The following PYGB variants were observed in gnomAD, a reference collection of about 807,000 sequenced individuals.
The protein encoded by PYGB is glycogen phosphorylase, brain form.
In PYGB, 82 loss-of-function variants were observed where a neutral mutation model predicts 94.3. That is an observed-to-expected ratio of 0.87 (90% confidence interval 0.73 to 1.04). PYGB has a LOEUF of 1.04. PYGB is among the 50% of genes least tolerant of loss of function. The pLI, the probability that PYGB is intolerant of heterozygous loss-of-function variation, is 0.00. For synonymous variants in PYGB, 488 were observed against 479.1 expected (o/e 1.02, Z -0.24); for missense variants, 1,132 against 1,158.2 (o/e 0.98, Z 0.33).
At chr20:25,293,600 C>G (rs2088494922) in intron 17 of PYGB, among the ~76,000 whole-genome samples, 1 of 152,236 alleles carries the variant, frequency 6.6e-6, no homozygotes, top group East Asian at 1.9e-4. Context: ...GGCCCGAGCA[C>G]AGAGGCCTGT....
At chr20:25,252,018 G>A (rs191625168) in intron 1 of PYGB, among the ~76,000 whole-genome samples, 1 of 152,314 alleles carries the variant, frequency 6.6e-6, no homozygotes, top group Admixed American at 6.5e-5. Flanking sequence ...TTAGTCAGTT[G>A]TGGTACCAGC....
rs200982201 is a variant in PYGB at position 25,248,358 on chromosome 20, G to T, written c.180G>T (p.Val60=). 21 of 1,598,652 alleles carry T rather than the reference G, an allele frequency of 1.3e-5. No individual in the cohort carries two copies. The African/African-American group carries it at 1.9e-4, about 14-fold the overall frequency. Residue 60 remains valine (V), a synonymous_variant, in exon 1 of 20, where the codon GTG becomes GTT. Coordinates refer to ENST00000216962, the MANE Select transcript of PYGB (RefSeq NM_002862.4). ...RDYFFALAHT[V]RDHLVGRWIR... ...ACTTCTTCGCGCTGGCGCACACGGT[G>T]CGCGACCACCTCGTGGGCCGCTGGA... is the stretch of plus-strand genomic sequence containing the variant.
At chr20:25,256,704 T>C (rs1398380257) in intron 1 of PYGB, among the ~76,000 whole-genome samples, 1 of 152,090 alleles carries the variant, frequency 6.6e-6, no homozygotes, top group Admixed American at 6.6e-5. Context: ...GTGAGTCCAG[T>C]TCTCCAACCA....
intron 13 of PYGB, among the ~76,000 whole-genome samples, chr20:25,283,788 T>G (rs912923509): frequency 6.6e-6 from 1 of 152,180 alleles, no homozygotes; most frequent in Admixed American, 6.5e-5. Flanking sequence ...TGTAGTCCTT[T>G]CAGCCGTCCC....
intron 14 of PYGB, among the ~76,000 whole-genome samples, chr20:25,287,577 G>T (rs1373946454): frequency 6.6e-6 from 1 of 152,218 alleles, no homozygotes; most frequent in African/African-American, 2.4e-5. Context: ...TTGAGTCCAG[G>T]AGTCTGTGGC....
intron 14 of PYGB, among the ~76,000 whole-genome samples, chr20:25,286,911 G>T (rs1454448474): frequency 3.3e-5 from 5 of 152,220 alleles, no homozygotes; most frequent in African/African-American, 1.2e-4. Context: ...ATCATCACTT[G>T]TGTGTTTCGT....
At chr20:25,281,925 A>T (rs1371836373) in intron 11 of PYGB, 108 bp from the exon 12 acceptor site, 10 of 941,138 alleles carry the variant, frequency 1.1e-5, no homozygotes, top group African/African-American at 1.6e-5. Context: ...GAACAGAACC[A>T]CTGAGCTTGA....
intron 1 of PYGB, among the ~76,000 whole-genome samples, chr20:25,254,350 A>T (rs897464117): frequency 1.3e-5 from 2 of 151,686 alleles, no homozygotes; most frequent in Admixed American, 6.6e-5. Context: ...TATATCTTTT[A>T]TTATTATTAT....
rs1056986028 is a variant in PYGB, at chr20:25,294,353, C to T, written c.2312+61C>T. ...GAGGGAGGGAGGGAGGGGTCCTCTT[C>T]GTGGGTTGGATATTCCACCTTGTTT... On this transcript the variant is annotated intron_variant, in intron 18 of 19. Coordinates refer to ENST00000216962, the MANE Select transcript of PYGB (RefSeq NM_002862.4). 6.7e-5 allele frequency: 101 copies of T among 1,503,820 alleles called. No individual in the cohort carries two copies. In the Admixed American group the frequency reaches 1.6e-3, roughly 23 times the overall value. 93.2% of individuals were successfully genotyped at this position (1,503,820 alleles called of 1,614,324 possible).
In PYGB at chr20:25,295,497, A is replaced by T. The variant is rs976808287; in HGVS notation, c.2313-107A>T. On this transcript the variant is annotated intron_variant, in intron 18 of 19. Transcript: ENST00000216962. ...GTGGGTGGGCCCCTTCGCTCCAGAC[A>T]GGACCAGGTGGATGGTGCCTGGCCT... 1.6e-4 allele frequency: 210 copies of T among 1,324,548 alleles called. 2 individuals carry two copies. The South Asian group carries it at 2.0e-3, about 13-fold the overall frequency. The allele number at this position is 1,324,548 out of a possible 1,614,324, so 82.0% of individuals were successfully genotyped here. A position where few individuals can be genotyped will look rare whatever the true frequency, so the allele number is the denominator to read the frequency against.
At chr20:25,283,586 G>A (rs1467914504) in intron 13 of PYGB, among the ~76,000 whole-genome samples, 1 of 152,246 alleles carries the variant, frequency 6.6e-6, no homozygotes, top group Non-Finnish European at 1.5e-5. Flanking sequence ...GAAGCCTCTA[G>A]AAGCCGATTC....
chr20:25,276,616 T>A (rs765148368), intron 5 of PYGB, 30 bp from the exon 6 acceptor site: 3 of 1,595,726 alleles, frequency 1.9e-6, no homozygotes, highest in Non-Finnish European at 2.6e-6. Context: ...CCCTTGCCAC[T>A]CCGTCCTGAG....
rs2088395496 is a variant in PYGB at position 25,284,136 on chromosome 20, G to GA, written c.1655dup (p.Glu553GlyfsTer82). On this transcript the variant is annotated frameshift_variant, in exon 14 of 20. Coordinates refer to ENST00000216962, the MANE Select transcript of PYGB (RefSeq NM_002862.4). LOFTEE classifies it high-confidence loss of function. ...AGCTCAAGTTCTCGGCCTTCCTGGA[G>GA]AAGGAGTACAAGGTGAAGATCAACC... 1 of 1,613,964 alleles carries GA rather than the reference G, an allele frequency of 6.2e-7. No individual in the cohort carries two copies. The highest frequency in any genetic ancestry group is 1.3e-5 in the African/African-American group (1 of 74,896).
chr20:25,292,438 T>A lies in PYGB; in HGVS notation c.2002T>A (p.Ser668Thr). 6.2e-7 allele frequency: 1 copy of A among 1,613,420 alleles called. No individual in the cohort carries two copies. Among genetic ancestry groups the A allele is most frequent in the Non-Finnish European group, 8.5e-7 (1 of 1,180,004 alleles). ...GGCCGCTGATCTGTCGCAGCAGATC[T>A]CCACTGCAGGCACCGAGGCCTCAGG... ...IPAADLSQQISTAGTEASGTG... is the reference protein window; with the variant it reads ...IPAADLSQQITTAGTEASGTG... Residue 668 changes from serine (S) to threonine (T), a missense_variant, in exon 17 of 20, where the codon TCC becomes ACC. Ser to Thr is a moderately conservative substitution (Grantham distance 58, BLOSUM62 1). Coordinates refer to ENST00000216962, the MANE Select transcript of PYGB (RefSeq NM_002862.4).
intron 4 of PYGB, among the ~76,000 whole-genome samples, chr20:25,273,359 C>T (rs893954133): frequency 1.8e-4 from 27 of 151,378 alleles, no homozygotes; most frequent in African/African-American, 6.4e-4. Context: ...GCCTGCTGTG[C>T]GGAGGGGCCT....
In PYGB at chr20:25,290,527, C is replaced by T. The variant is rs199553206; in HGVS notation, c.1874C>T (p.Thr625Ile). The change falls in exon 16 of 20, where the codon ACC becomes ATC. Residue 625 changes from threonine (T) to isoleucine (I), a missense_variant. Physicochemically the swap from Thr to Ile is moderately conservative, Grantham distance 89 (BLOSUM62 -1). Transcript: ENST00000216962. Reference sequence around the variant, plus strand: ...GCCAAGCTGATCATCAAGTTGGTCACCTCCATCGGCGACGTCGTCAATCAT... The same window carrying T: ...GCCAAGCTGATCATCAAGTTGGTCATCTCCATCGGCGACGTCGTCAATCAT... ...HMAKLIIKLV[T>I]SIGDVVNHDP... 3 of 1,611,678 alleles carry T rather than the reference C, an allele frequency of 1.9e-6. No homozygotes were observed. Among genetic ancestry groups the T allele is most frequent in the Admixed American group, 1.7e-5 (1 of 59,996 alleles).
Position 25,295,097 on chromosome 20 carries a change from T to C in PYGB, c.2313-507T>C, listed in dbSNP as rs1158322578. Reference sequence around the variant, plus strand: ...TTCGTGAAGTGTGCTTCTGACTCGATAGTGAACAGAAATGCATTTGTAGAT... The same window carrying C: ...TTCGTGAAGTGTGCTTCTGACTCGACAGTGAACAGAAATGCATTTGTAGAT... On this transcript the variant is annotated intron_variant, in intron 18 of 19. Transcript: ENST00000216962. 13 of 1,482,858 alleles carry C rather than the reference T, an allele frequency of 8.8e-6. No homozygotes were observed. The East Asian group carries it at 9.0e-5, about 10-fold the overall frequency. 91.9% of individuals were successfully genotyped at this position (1,482,858 alleles called of 1,614,324 possible).
At chr20:25,280,858 G>C in intron 10 of PYGB, 91 bp from the exon 11 acceptor site, 3 of 1,473,446 alleles carry the variant, frequency 2.0e-6, no homozygotes, top group Non-Finnish European at 2.8e-6. Context: ...CTTCCCATGG[G>C]TGGTCATGGA....
chr20:25,294,940 C>G (rs1256384257), intron 18 of PYGB: 1 of 1,613,198 alleles, frequency 6.2e-7, no homozygotes, highest in Admixed American at 1.7e-5. Flanking sequence ...TTGTCTGCTG[C>G]TCTTCGATGA....
Sources: allele counts gnomAD v4.1 joint callset (sites outside exome capture counted in the v4.1 genomes callset), GRCh38; gene constraint gnomAD v4.1.1; transcripts MANE v1.5; gene names NCBI Gene and HGNC (gene_info 2026-07-23, HGNC 2026-07-21).